Variants in PPFIA2 observed in about 807,000 individuals in gnomAD.
PPFIA2 encodes the protein liprin-alpha-2.
A neutral mutation model predicts 175.5 loss-of-function variants in PPFIA2; 46 were observed. That is an observed-to-expected ratio of 0.26 (90% confidence interval 0.21 to 0.34). PPFIA2 has a LOEUF of 0.34. PPFIA2 is among the 10% of genes least tolerant of loss of function. PPFIA2 has a pLI of 1.00. For synonymous variants in PPFIA2, 568 were observed against 511.4 expected (o/e 1.11, Z -1.49); for missense variants, 1,179 against 1,506.1 (o/e 0.78, Z 3.60).
intron 7 of PPFIA2, among the ~76,000 whole-genome samples, chr12:81,424,640 A>G (rs2046836651): frequency 6.6e-6 from 1 of 152,188 alleles, no homozygotes; most frequent in South Asian, 2.1e-4. Flanking sequence ...TAGAGATTGC[A>G]TGTCCTGGTC....
At chr12:81,263,173 A>G (rs1266590395) in intron 31 of PPFIA2, 58 bp downstream of exon 31, 34 of 1,453,466 alleles carry the variant, frequency 2.3e-5, no homozygotes, top group Non-Finnish European at 2.9e-5. Flanking sequence ...AGAGAATTAT[A>G]CTAGCTTTGG....
In PPFIA2 at chr12:81,382,296, A is replaced by G. The variant is rs138554344; in HGVS notation, c.984+1727T>C. On this transcript the variant is annotated intron_variant, in intron 9 of 32. Transcript: ENST00000549396. ...TCCAAGAGGTCAGGAAGGTGGTAGTAGAGAGATTGTACATGGCTTGTAGAC... is the reference window on the plus strand; with the variant it reads ...TCCAAGAGGTCAGGAAGGTGGTAGTGGAGAGATTGTACATGGCTTGTAGAC... Among the ~76,000 whole-genome samples, 403 of 152,272 alleles carry G rather than the reference A, an allele frequency of 2.6e-3. 1 individual carries two copies. The highest frequency in any genetic ancestry group is 9.0e-3 in the African/African-American group (373 of 41,570).
intron 22 of PPFIA2, chr12:81,302,664 G>A (rs765520958): frequency 3.2e-4 from 147 of 453,280 alleles, no homozygotes; most frequent in Middle Eastern, 6.5e-4. Context: ...AGGACTGTGT[G>A]CTACATGATG....
intron 7 of PPFIA2, among the ~76,000 whole-genome samples, chr12:81,408,527 T>A (rs184111185): frequency 1.3e-5 from 2 of 152,320 alleles, no homozygotes; most frequent in East Asian, 3.9e-4. Context: ...TTCAAATATG[T>A]CCTGGTGCCT....
intron 7 of PPFIA2, among the ~76,000 whole-genome samples, chr12:81,433,116 A>G (rs1232629615): frequency 1.3e-5 from 2 of 152,022 alleles, no homozygotes; most frequent in African/African-American, 4.8e-5. Context: ...GCTCTTCAGA[A>G]TCTGGATCCC....
rs145967221 is a variant in PPFIA2, at chr12:81,723,950, G to C, written c.249+30023C>G. ...ATTATCAGCTAAAATGTTTGAGATT[G>C]AAGTACATTTTGGGATATTTCAAAA... On this transcript the variant is annotated intron_variant, in intron 3 of 32. Coordinates refer to ENST00000549396, the MANE Select transcript of PPFIA2 (RefSeq NM_003625.5). Among the ~76,000 whole-genome samples, 4 of 150,996 alleles carry C rather than the reference G, an allele frequency of 2.6e-5. No individual in the cohort carries two copies. The East Asian group carries it at 7.8e-4, about 29-fold the overall frequency.
At position 81,339,229 on chromosome 12, in the gene PPFIA2, T is replaced by G. The variant is rs369170285; in HGVS notation, c.2499A>C (p.Ser833=). 1.1e-5 allele frequency: 18 copies of G among 1,609,580 alleles called. No homozygotes were observed. In the African/African-American group the frequency reaches 2.0e-4, roughly 18 times the overall value. ...CTTTTTTACCAAACAAACGTCCTAT[T>G]GAAGACTTGATTCCTTTCTTCTTGG... ...KAPKKKGIKS[S]IGRLFGKKEK... is the part of the protein sequence containing the mutation. Residue 833 remains serine (S), a synonymous_variant, in exon 21 of 33, where the codon TCA becomes TCC. Coordinates refer to ENST00000549396, the MANE Select transcript of PPFIA2 (RefSeq NM_003625.5).
chr12:81,584,812 T>C lies in PPFIA2; in HGVS notation c.303+91979A>G, dbSNP rs576726254. 2.4e-3 allele frequency among the ~76,000 whole-genome samples: 311 copies of C among 131,478 alleles called. 5 individuals are homozygous for C. The highest frequency in any genetic ancestry group is 0.011 in the Middle Eastern group (3 of 270). The allele number at this position is 131,478 out of a possible 152,430, so 86.3% of individuals were successfully genotyped here. On this transcript the variant is annotated intron_variant, in intron 4 of 32. Transcript: ENST00000549396. ...TTATATATAATATATATATTTATTA[T>C]ATACAATAAATTTATTATATTTACA...
intron 9 of PPFIA2, among the ~76,000 whole-genome samples, chr12:81,380,086 T>A (rs2141873872): frequency 6.6e-6 from 1 of 152,296 alleles, no homozygotes; most frequent in East Asian, 1.9e-4. Flanking sequence ...ACTAAGAAAC[T>A]TGCAATCCGT....
chr12:81,408,678 A>T (rs1325185889), intron 7 of PPFIA2, among the ~76,000 whole-genome samples: 2 of 152,232 alleles, frequency 1.3e-5, no homozygotes, highest in East Asian at 1.9e-4. Flanking sequence ...GATTTTTAAA[A>T]TTCTAAACTT....
chr12:81,488,737 C>T (rs933880118), intron 4 of PPFIA2, among the ~76,000 whole-genome samples: 2 of 151,802 alleles, frequency 1.3e-5, no homozygotes, highest in Non-Finnish European at 2.9e-5. Flanking sequence ...GGAAACCTCT[C>T]CTCAGGTTTC....
In PPFIA2 at chr12:81,639,782, T is replaced by C. The variant is rs184492797; in HGVS notation, c.303+37009A>G. 3.0e-4 allele frequency among the ~76,000 whole-genome samples: 45 copies of C among 152,268 alleles called. 1 individual carries two copies. The highest frequency in any genetic ancestry group is 2.7e-3 in the Admixed American group (42 of 15,288). On this transcript the variant is annotated intron_variant, in intron 4 of 32. Transcript: ENST00000549396. ...ACGATATAATATTTCACTGTAGAAT[T>C]TGCATTGATATCGCAATACTAAATT...
intron 24 of PPFIA2, among the ~76,000 whole-genome samples, chr12:81,291,420 A>AC (rs1466439019): frequency 1.3e-5 from 2 of 151,950 alleles, no homozygotes; most frequent in East Asian, 3.9e-4. Context: ...TACTAAATCT[A>AC]CCAGTCAACA....
chr12:81,716,078 G>C (rs2078582521), intron 3 of PPFIA2, among the ~76,000 whole-genome samples: 3 of 151,150 alleles, frequency 2.0e-5, no homozygotes, highest in Admixed American at 6.6e-5. Context: ...AATATTAATA[G>C]GTAAGATCAT....
intron 8 of PPFIA2, among the ~76,000 whole-genome samples, chr12:81,404,283 A>G (rs897048964): frequency 6.6e-6 from 1 of 152,222 alleles, no homozygotes; most frequent in African/African-American, 2.4e-5. Flanking sequence ...TAAATACAGC[A>G]TTATTATAGA....
intron 3 of PPFIA2, among the ~76,000 whole-genome samples, chr12:81,717,933 A>T (rs73151314): frequency 0.12 from 18,213 of 151,566 alleles, 1,254 homozygotes; most frequent in Non-Finnish European, 0.15. Context: ...CATGGAGAAA[A>T]TCTGAAGTAG....
At chr12:81,367,998 T>C in intron 13 of PPFIA2, 1 of 719,920 alleles carries the variant, frequency 1.4e-6, no homozygotes, top group South Asian at 1.6e-5. Context: ...ATTTTCCCTA[T>C]TTTGGTTTAT....
intron 7 of PPFIA2, among the ~76,000 whole-genome samples, chr12:81,407,365 C>G (rs1244896424): frequency 3.3e-5 from 5 of 151,834 alleles, no homozygotes; most frequent in Admixed American, 2.0e-4. Flanking sequence ...CGCCTGTAAT[C>G]CCAGCTACTC....
chr12:81,319,353 G>A (rs1337007904), intron 22 of PPFIA2, among the ~76,000 whole-genome samples: 8 of 151,474 alleles, frequency 5.3e-5, no homozygotes, highest in Admixed American at 1.3e-4. Flanking sequence ...TATTATTTAC[G>A]TTCAGGGAAT....
Sources: gnomAD v4.1 joint callset for allele counts (sites outside exome capture counted in the v4.1 genomes callset) on GRCh38, gnomAD v4.1.1 for gene constraint, MANE v1.5 for transcripts, NCBI Gene and HGNC (gene_info 2026-07-23, HGNC 2026-07-21) for gene names.